Variants in TFDP2 observed in about 807,000 individuals in gnomAD.
The protein encoded by TFDP2 is transcription factor Dp-2 (E2F dimerization partner 2).
A neutral mutation model predicts 59.3 loss-of-function variants in TFDP2; 17 were observed. The observed-to-expected ratio is 0.29, with a 90% CI of 0.20 to 0.43. TFDP2 has a LOEUF of 0.43. Among genes scored for constraint, TFDP2 ranks in the 20% least tolerant of loss-of-function variants. TFDP2 has a pLI of 1.00. For synonymous variants in TFDP2, 180 were observed against 194.7 expected (o/e 0.92, Z 0.63); for missense variants, 391 against 528.8 (o/e 0.74, Z 2.56).
At position 141,951,837 on chromosome 3, in the gene TFDP2, C is replaced by T. The variant is rs1055213685; in HGVS notation, c.*676G>A. Reference sequence around the variant, plus strand: ...AAGTAGCCCTAGTAAATTCTATGCACCAATGCATTGGCTAATAATAATTTC... The same window carrying T: ...AAGTAGCCCTAGTAAATTCTATGCATCAATGCATTGGCTAATAATAATTTC... On this transcript the variant is annotated 3_prime_UTR_variant, in exon 13 of 13. Coordinates refer to ENST00000489671, the MANE Select transcript of TFDP2 (RefSeq NM_001178139.2). 6.6e-6 allele frequency: 1 copy of T among 152,560 alleles called. No homozygotes were observed. The highest frequency in any genetic ancestry group is 1.5e-5 in the Non-Finnish European group (1 of 68,034). 9.5% of individuals were successfully genotyped at this position (152,560 alleles called of 1,614,324 possible).
At chr3:141,982,131 A>G (rs1005892242) in intron 6 of TFDP2, among the ~76,000 whole-genome samples, 4 of 152,186 alleles carry the variant, frequency 2.6e-5, no homozygotes, top group Non-Finnish European at 5.9e-5. Context: ...GATTTTAAAT[A>G]CTTAATATAA....
At chr3:142,098,978 T>C (rs1004693904) in intron 2 of TFDP2, among the ~76,000 whole-genome samples, 10 of 152,304 alleles carry the variant, frequency 6.6e-5, no homozygotes, top group African/African-American at 2.4e-4. Flanking sequence ...TTTGCAACTA[T>C]AAGAGACCTA....
intron 9 of TFDP2, among the ~76,000 whole-genome samples, chr3:141,968,416 T>C (rs1414768993): frequency 1.9e-5 from 2 of 107,852 alleles, no homozygotes; most frequent in African/African-American, 3.8e-5. Flanking sequence ...ATATATAACA[T>C]ATATATCTCA....
At chr3:142,112,464 A>G (rs1251135015) in intron 1 of TFDP2, among the ~76,000 whole-genome samples, 1 of 152,208 alleles carries the variant, frequency 6.6e-6, no homozygotes, top group African/African-American at 2.4e-5. Context: ...TATTTAGCAT[A>G]AACTTCTTAG....
At chr3:142,077,975 T>A (rs1181509005) in intron 3 of TFDP2, among the ~76,000 whole-genome samples, 1 of 152,088 alleles carries the variant, frequency 6.6e-6, no homozygotes, top group Non-Finnish European at 1.5e-5. Context: ...GTCCCAGGCC[T>A]GGCAGCATTC....
chr3:142,032,749 C>T (rs1304383150), intron 3 of TFDP2, among the ~76,000 whole-genome samples: 2 of 152,146 alleles, frequency 1.3e-5, no homozygotes, highest in Non-Finnish European at 2.9e-5. Flanking sequence ...CACCCAAATG[C>T]CCACATTGTT....
intron 6 of TFDP2, among the ~76,000 whole-genome samples, chr3:141,985,401 T>C (rs1282514195): frequency 6.6e-6 from 1 of 151,204 alleles, no homozygotes; most frequent in African/African-American, 2.4e-5. Flanking sequence ...TGGTGATATA[T>C]GCCAGCTACT....
At chr3:142,101,206 A>G (rs1365221788) in intron 2 of TFDP2, among the ~76,000 whole-genome samples, 9 of 152,198 alleles carry the variant, frequency 5.9e-5, no homozygotes, top group Non-Finnish European at 1.3e-4. Context: ...GAAAGGAGGT[A>G]TATTCAGAAA....
chr3:142,005,858 A>G (rs1944165965), intron 3 of TFDP2, among the ~76,000 whole-genome samples: 1 of 152,232 alleles, frequency 6.6e-6, no homozygotes, highest in South Asian at 2.1e-4. Flanking sequence ...ATTTTTAGAG[A>G]ATATGTAACG....
At chr3:142,055,127 A>G (rs570393815) in intron 3 of TFDP2, among the ~76,000 whole-genome samples, 1 of 152,184 alleles carries the variant, frequency 6.6e-6, no homozygotes, top group Non-Finnish European at 1.5e-5. Flanking sequence ...TCCTCCTATC[A>G]CTGGGAATGG....
At chr3:142,038,253 G>A (rs909335674) in intron 3 of TFDP2, among the ~76,000 whole-genome samples, 4 of 151,694 alleles carry the variant, frequency 2.6e-5, no homozygotes, top group Admixed American at 1.3e-4. Flanking sequence ...GAGTAGTGGC[G>A]GAAGCCTGTA....
intron 10 of TFDP2, among the ~76,000 whole-genome samples, chr3:141,962,990 C>T (rs187361272): frequency 6.6e-6 from 1 of 152,296 alleles, no homozygotes; most frequent in East Asian, 1.9e-4. Flanking sequence ...GACATTAACT[C>T]ATTTAATCCT....
At chr3:141,999,479 G>T (rs190815986) in intron 4 of TFDP2, among the ~76,000 whole-genome samples, 10,634 of 152,158 alleles carry the variant, frequency 0.07, 471 homozygotes, top group Non-Finnish European at 0.1. Flanking sequence ...CCTTGCATTG[G>T]TCAAAGGTCA....
At chr3:142,022,886 C>T (rs1945724948) in intron 3 of TFDP2, among the ~76,000 whole-genome samples, 2 of 151,976 alleles carry the variant, frequency 1.3e-5, no homozygotes, top group African/African-American at 4.8e-5. Context: ...CTTTGGGAGG[C>T]CAAGGCGGGT....
chr3:142,149,153 G>GCGGGCC, intron 1 of TFDP2, 30 bp downstream of exon 1: 1 of 397,864 alleles, frequency 2.5e-6, no homozygotes, highest in Non-Finnish European at 4.4e-6. Context: ...CCCTCCGCGC[G>GCGGGCC]CGGGCCCGCG....
chr3:142,061,741 C>T (rs1029258024), intron 3 of TFDP2, among the ~76,000 whole-genome samples: 2 of 151,964 alleles, frequency 1.3e-5, no homozygotes, highest in Non-Finnish European at 1.5e-5. Flanking sequence ...CACTGGCTCC[C>T]GTGATTCTCA....
At chr3:142,124,698 G>T (rs2062173586) in intron 1 of TFDP2, among the ~76,000 whole-genome samples, 1 of 152,046 alleles carries the variant, frequency 6.6e-6, no homozygotes, top group Admixed American at 6.6e-5. Context: ...TCAAAGTAAA[G>T]ACTGATATGA....
intron 3 of TFDP2, among the ~76,000 whole-genome samples, chr3:142,024,093 C>G (rs1945878114): frequency 6.6e-6 from 1 of 152,128 alleles, no homozygotes; most frequent in African/African-American, 2.4e-5. Context: ...CATGCCCAGC[C>G]CATTAAAAGA....
chr3:142,063,276 T>C (rs1237643958), intron 3 of TFDP2, among the ~76,000 whole-genome samples: 1 of 152,216 alleles, frequency 6.6e-6, no homozygotes, highest in South Asian at 2.1e-4. Context: ...TCTCACATAG[T>C]TAAGAACCTA....
Sources: gnomAD v4.1 joint callset for allele counts (sites outside exome capture counted in the v4.1 genomes callset) on GRCh38, gnomAD v4.1.1 for gene constraint, MANE v1.5 for transcripts, NCBI Gene and HGNC (gene_info 2026-07-23, HGNC 2026-07-21) for gene names.